Variants in TSPAN11 observed in about 807,000 individuals in gnomAD.
TSPAN11 encodes the protein tetraspanin 11.
Under a neutral mutation model 32.9 loss-of-function variants are expected in TSPAN11, and 29 were observed. The ratio of observed to expected loss-of-function variants is 0.88; its 90% CI spans 0.66 to 1.20. TSPAN11 has a LOEUF of 1.20. Ranked by LOEUF, TSPAN11 falls within the 50% of genes most tolerant of loss-of-function variation. The probability of loss-of-function intolerance (pLI) is 0.00; values close to 1 mark genes in which losing one functional copy is unlikely to be tolerated. For synonymous variants in TSPAN11, 140 were observed against 141.3 expected (o/e 0.99, Z 0.07); for missense variants, 283 against 329.1 (o/e 0.86, Z 1.08).
intron 3 of TSPAN11, among the ~76,000 whole-genome samples, chr12:30,969,112 T>A (rs59791025): frequency 0.018 from 2,729 of 152,260 alleles, 87 homozygotes; most frequent in African/African-American, 0.062. Flanking sequence ...CAAGCTCCCT[T>A]AAGAAGGAAC....
chr12:30,980,143 C>A (rs1173487751), intron 5 of TSPAN11, among the ~76,000 whole-genome samples: 6 of 152,240 alleles, frequency 3.9e-5, no homozygotes, highest in African/African-American at 1.2e-4. Flanking sequence ...CAAGAACCCT[C>A]CAGTGTGAGC....
rs182366579 is a variant in TSPAN11, at chr12:30,953,933, G to A, written c.-11-48G>A. ...GATGCTCTGGCTCTGGGAAGGACAA[G>A]GTGGTTCTCGGTGATTCCCCGGCCC... On this transcript the variant is annotated intron_variant, in intron 1 of 7. Coordinates refer to ENST00000546076, the MANE Select transcript of TSPAN11 (RefSeq NM_001370302.1). The A allele has an allele frequency of 3.8e-5, 54 of 1,412,474 alleles. No homozygotes were observed. The Middle Eastern group carries it at 5.0e-3, about 132-fold the overall frequency. 87.5% of individuals were successfully genotyped at this position (1,412,474 alleles called of 1,614,324 possible).
intron 2 of TSPAN11, 95 bp from the exon 3 acceptor site, chr12:30,963,731 T>C (rs1938661867): frequency 7.3e-7 from 1 of 1,371,776 alleles, no homozygotes; most frequent in Non-Finnish European, 9.9e-7. Context: ...AATGAGCCAG[T>C]GCAAGAGAAG....
chr12:30,944,578 T>C (rs1211610231), intron 1 of TSPAN11, among the ~76,000 whole-genome samples: 2 of 125,744 alleles, frequency 1.6e-5, no homozygotes, highest in Non-Finnish European at 3.0e-5. Context: ...TGCACTCCCA[T>C]GTCCATGTCA....
intron 7 of TSPAN11, among the ~76,000 whole-genome samples, chr12:30,990,108 A>G (rs1939280985): frequency 6.6e-6 from 1 of 151,938 alleles, no homozygotes; most frequent in South Asian, 2.1e-4. Flanking sequence ...GGCATCCTGT[A>G]CCCTCCACAT....
At chr12:31,007,117 A>G in the TSPAN11 span, among the ~76,000 whole-genome samples, 1 of 152,174 alleles carries the variant, frequency 6.6e-6, no homozygotes, top group African/African-American at 2.4e-5. Context: ...GAACCCTCCT[A>G]GGCTTCTGTG....
chr12:30,987,719 C>T (rs575491837), intron 7 of TSPAN11, among the ~76,000 whole-genome samples: 2 of 152,286 alleles, frequency 1.3e-5, no homozygotes, highest in South Asian at 2.1e-4. Context: ...TGCCACTATG[C>T]GGCCAGATGC....
chr12:30,964,350 G>A (rs974183182), intron 3 of TSPAN11, among the ~76,000 whole-genome samples: 1 of 148,188 alleles, frequency 6.7e-6, no homozygotes, highest in Non-Finnish European at 1.5e-5. Flanking sequence ...CTCCTATTCT[G>A]TACCCTTCCC....
At chr12:30,946,884 C>T (rs1450165408) in intron 1 of TSPAN11, among the ~76,000 whole-genome samples, 1 of 152,144 alleles carries the variant, frequency 6.6e-6, no homozygotes, top group East Asian at 1.9e-4. Context: ...GATTACCACC[C>T]CCAGGTGGGA....
rs1939401738 is a variant in TSPAN11 at position 30,995,635 on chromosome 12, A to G, written c.*3720A>G. On this transcript the variant is annotated 3_prime_UTR_variant, in exon 8 of 8. Coordinates refer to ENST00000546076, the MANE Select transcript of TSPAN11 (RefSeq NM_001370302.1). Reference sequence around the variant, plus strand: ...GTGAGTTGGGACAGTCACTGTCATCACCACCCACCCTGTCACCCACCTGGA... The same window carrying G: ...GTGAGTTGGGACAGTCACTGTCATCGCCACCCACCCTGTCACCCACCTGGA... The G allele has an allele frequency of 6.6e-6, 1 of 152,082 alleles. No individual in the cohort carries two copies. Among genetic ancestry groups the G allele is most frequent in the South Asian group, 2.1e-4 (1 of 4,812 alleles). The allele number at this position is 152,082 out of a possible 1,614,324, so 9.4% of individuals were successfully genotyped here.
chr12:30,978,660 A>C, intron 4 of TSPAN11, 25 bp downstream of exon 4: 1 of 1,611,762 alleles, frequency 6.2e-7, no homozygotes, highest in Non-Finnish European at 8.5e-7. Flanking sequence ...CTCCTCCTGC[A>C]TCCTCTGTCA....
chr12:31,002,433 C>T, the TSPAN11 span, among the ~76,000 whole-genome samples: 1 of 152,180 alleles, frequency 6.6e-6, no homozygotes, highest in Non-Finnish European at 1.5e-5. The surrounding 1 kb of genome is among the most constrained non-coding windows in gnomAD (Gnocchi z 4.8). Context: ...CTCAGCTGCT[C>T]TCATCTACCA....
intron 2 of TSPAN11, among the ~76,000 whole-genome samples, chr12:30,959,962 C>T (rs1487770854): frequency 1.3e-5 from 2 of 151,630 alleles, no homozygotes; most frequent in East Asian, 3.9e-4. Flanking sequence ...GGGGGATCAG[C>T]CTGTGGGCGG....
chr12:30,982,901 T>C (rs1348229278), intron 6 of TSPAN11, among the ~76,000 whole-genome samples, 163 bp from the exon 7 acceptor site: 1 of 152,228 alleles, frequency 6.6e-6, no homozygotes, highest in Admixed American at 6.5e-5. Flanking sequence ...CACCATGGCA[T>C]GCCCCTGGGG....
chr12:30,978,343 G>A, intron 3 of TSPAN11: 1 of 573,818 alleles, frequency 1.7e-6, no homozygotes, highest in Non-Finnish European at 3.1e-6. Context: ...CATATTGGAT[G>A]GGTACATGCC....
At chr12:30,944,066 T>C (rs1684456158) in intron 1 of TSPAN11, among the ~76,000 whole-genome samples, 1 of 152,164 alleles carries the variant, frequency 6.6e-6, no homozygotes, top group South Asian at 2.1e-4. Context: ...GAGTCTAGCT[T>C]ACCCCCATAG....
At chr12:30,997,119 T>A (rs1939429285), downstream of TSPAN11, 1 of 152,230 alleles carries the variant, frequency 6.6e-6, no homozygotes, top group Non-Finnish European at 1.5e-5. Context: ...ACAGGGTTTC[T>A]CCACCGTGGA....
chr12:31,015,027 T>C, the TSPAN11 span, among the ~76,000 whole-genome samples: 940 of 152,350 alleles, frequency 6.2e-3, 10 homozygotes, highest in African/African-American at 0.021. The surrounding 1 kb of genome is among the most constrained non-coding windows in gnomAD (Gnocchi z 4.9). Flanking sequence ...TCTCGGTCTT[T>C]GCTATTGTGT....
intron 1 of TSPAN11, among the ~76,000 whole-genome samples, chr12:30,944,826 G>A (rs1592465899): frequency 1.3e-5 from 2 of 152,140 alleles, no homozygotes; most frequent in African/African-American, 2.4e-5. Flanking sequence ...CTGAGTATGG[G>A]GTGCTCCCTG....
Sources: allele counts gnomAD v4.1 joint callset (sites outside exome capture counted in the v4.1 genomes callset), GRCh38; gene constraint gnomAD v4.1.1; non-coding constraint Gnocchi (gnomAD v3.1); transcripts MANE v1.5; gene names NCBI Gene and HGNC (gene_info 2026-07-23, HGNC 2026-07-21).